AHCY: variants seen among roughly 807,000 people sequenced by gnomAD.
The protein encoded by AHCY is S-adenosyl-L-homocysteine hydrolase.
A neutral mutation model predicts 45.4 loss-of-function variants in AHCY; 24 were observed. The observed-to-expected ratio is 0.53, with a 90% CI of 0.38 to 0.74. The LOEUF (loss-of-function observed/expected upper bound fraction) is 0.74, where lower values mean the gene tolerates loss of function less well. Among genes scored for constraint, AHCY ranks in the 30% least tolerant of loss-of-function variants. The pLI is 0.00. For synonymous variants in AHCY, 245 were observed against 235.1 expected (o/e 1.04, Z -0.39); for missense variants, 449 against 594.1 (o/e 0.76, Z 2.54).
chr20:34,269,195 C>T, the AHCY span: 2 of 1,471,160 alleles, frequency 1.4e-6, no homozygotes, highest in Non-Finnish European at 9.0e-7. Context: ...CGCGAGCAGG[C>T]AGGGCTTCGG....
downstream of AHCY, among the ~76,000 whole-genome samples, chr20:34,276,773 A>G (rs1268692572): frequency 6.6e-6 from 1 of 152,008 alleles, no homozygotes; most frequent in African/African-American, 2.4e-5. Flanking sequence ...GTCCAGACCA[A>G]CTTGAGCCAC....
At chr20:34,242,538 T>C in the AHCY span, among the ~76,000 whole-genome samples, 2 of 152,202 alleles carry the variant, frequency 1.3e-5, no homozygotes, top group African/African-American at 2.4e-5. Flanking sequence ...CAGCCAGTCA[T>C]TTTGGGTTTT....
At chr20:34,232,394 A>C in the AHCY span, among the ~76,000 whole-genome samples, 2 of 152,186 alleles carry the variant, frequency 1.3e-5, no homozygotes, top group African/African-American at 4.8e-5. Flanking sequence ...TTTTCACTTG[A>C]GCATGCCATT....
chr20:34,295,645 C>A, intron 1 of AHCY, 60 bp from the exon 2 acceptor site: 2 of 1,563,932 alleles, frequency 1.3e-6, no homozygotes, highest in South Asian at 1.1e-5. Flanking sequence ...CCAAGAGGGG[C>A]GGTCACTGCA....
intron 1 of AHCY, among the ~76,000 whole-genome samples, chr20:34,297,828 G>A (rs182293143): frequency 4.6e-4 from 70 of 151,818 alleles, no homozygotes; most frequent in Non-Finnish European, 8.1e-4. Flanking sequence ...TTCAGACCAG[G>A]CACTCTTTCC....
intron 4 of AHCY, 145 bp from the exon 5 acceptor site, chr20:34,291,676 G>T: frequency 2.6e-6 from 2 of 764,434 alleles, no homozygotes; most frequent in South Asian, 2.9e-5. Context: ...ACCCAGACCC[G>T]CGTGAGGGAG....
intron 8 of AHCY, among the ~76,000 whole-genome samples, chr20:34,289,690 C>A (rs1218196668): frequency 1.3e-5 from 2 of 151,952 alleles, no homozygotes; most frequent in East Asian, 3.9e-4. Flanking sequence ...ATTGGTCAGG[C>A]TGGTCTCGAA....
chr20:34,306,366 GCTT>G (rs1337637773), upstream of AHCY, among the ~76,000 whole-genome samples: 1 of 96,766 alleles, frequency 1.0e-5, no homozygotes, highest in Non-Finnish European at 2.1e-5. Context: ...TATTATTTCA[GCTT>G]CTTTTTTTTT....
chr20:34,306,162 T>C (rs2036894549), upstream of AHCY, among the ~76,000 whole-genome samples: 1 of 151,994 alleles, frequency 6.6e-6, no homozygotes, highest in Admixed American at 6.6e-5. Flanking sequence ...TCATCCTCAC[T>C]GTATATCGTG....
chr20:34,301,904 T>G (rs776560792), intron 1 of AHCY: 108 of 985,302 alleles, frequency 1.1e-4, no homozygotes, highest in Non-Finnish European at 1.3e-4. Context: ...TCCACCTCTA[T>G]GAAGATTATT....
At chr20:34,309,177 C>G (rs563931690) in intron 1 of AHCY, among the ~76,000 whole-genome samples, 28 of 151,932 alleles carry the variant, frequency 1.8e-4, no homozygotes, top group African/African-American at 6.8e-4. Flanking sequence ...CCAGGCTGGT[C>G]TCGAACTCCT....
chr20:34,293,466 GAAAAAA>G (rs368282898), intron 3 of AHCY: 1 of 146,982 alleles, frequency 6.8e-6, no homozygotes, highest in Non-Finnish European at 1.5e-5. Flanking sequence ...GTCTCAAAAA[GAAAAAA>G]AAAAAAGAAG....
downstream of AHCY, among the ~76,000 whole-genome samples, chr20:34,277,805 G>A (rs1034547626): frequency 2.0e-4 from 29 of 147,170 alleles, no homozygotes; most frequent in African/African-American, 7.0e-4. Flanking sequence ...CCTCACTAAT[G>A]TTCTATCATT....
chr20:34,286,812 C>A (rs2036202391), intron 8 of AHCY, among the ~76,000 whole-genome samples: 1 of 113,394 alleles, frequency 8.8e-6, no homozygotes, highest in Non-Finnish European at 1.7e-5. Context: ...CCAGCCTGGG[C>A]AACAAGAGCG....
chr20:34,254,257 A>T, the AHCY span, among the ~76,000 whole-genome samples: 1 of 152,024 alleles, frequency 6.6e-6, no homozygotes, highest in African/African-American at 2.4e-5. Flanking sequence ...GAGACGAGCT[A>T]TCACCATGTT....
At chr20:34,270,160 G>A in the AHCY span, among the ~76,000 whole-genome samples, 1 of 151,568 alleles carries the variant, frequency 6.6e-6, no homozygotes. Context: ...GCTAAGTCAG[G>A]AGAATCACTT....
chr20:34,296,904 G>A (rs2036593123), intron 1 of AHCY, among the ~76,000 whole-genome samples: 1 of 152,126 alleles, frequency 6.6e-6, no homozygotes, highest in African/African-American at 2.4e-5. Flanking sequence ...AACAATTTCA[G>A]AGATGAAACA....
the AHCY span, among the ~76,000 whole-genome samples, chr20:34,253,105 CTTT>C: frequency 1.3e-5 from 2 of 149,420 alleles, no homozygotes; most frequent in Admixed American, 1.3e-4. Flanking sequence ...ATCTCTCTTT[CTTT>C]TTTTTTTATT....
chr20:34,244,209 A>G, the AHCY span, among the ~76,000 whole-genome samples: 1 of 152,242 alleles, frequency 6.6e-6, no homozygotes, highest in African/African-American at 2.4e-5. Flanking sequence ...AATTTGCAGC[A>G]TCTGATTTAA....
Sources: allele counts gnomAD v4.1 joint callset (sites outside exome capture counted in the v4.1 genomes callset), GRCh38; gene constraint gnomAD v4.1.1; transcripts MANE v1.5; gene names NCBI Gene and HGNC (gene_info 2026-07-23, HGNC 2026-07-21).